TMEM178B: variants seen among roughly 807,000 people sequenced by gnomAD.
TMEM178B encodes the protein transmembrane protein 178B.
In TMEM178B, 5 loss-of-function variants were observed where a neutral mutation model predicts 31.0. That is an observed-to-expected ratio of 0.16 (90% CI 0.08 to 0.34). The LOEUF is 0.34. Among genes scored for constraint, TMEM178B ranks in the 10% least tolerant of loss-of-function variants. The pLI is 1.00. For synonymous variants in TMEM178B, 164 were observed against 164.0 expected, an observed-to-expected ratio of 1.00 and a Z score of 0.00; for missense variants, 275 against 400.3, an observed-to-expected ratio of 0.69 and a Z score of 2.67.
intron 2 of TMEM178B, among the ~76,000 whole-genome samples, chr7:141,372,062 G>A (rs565717335): frequency 5.9e-5 from 9 of 152,250 alleles, no homozygotes; most frequent in African/African-American, 2.2e-4. Context: ...AAGCTTTACA[G>A]AGAGTTGCCT....
chr7:141,398,533 C>T (rs994626521), intron 2 of TMEM178B, among the ~76,000 whole-genome samples: 2 of 152,202 alleles, frequency 1.3e-5, no homozygotes, highest in Non-Finnish European at 2.9e-5. Flanking sequence ...CTCTCTTTCC[C>T]ACCACAATGA....
At chr7:141,448,598 C>T (rs1289970085) in intron 3 of TMEM178B, among the ~76,000 whole-genome samples, 1 of 152,124 alleles carries the variant, frequency 6.6e-6, no homozygotes, top group Non-Finnish European at 1.5e-5. Flanking sequence ...AAGCCATGTT[C>T]CTGTAGACAG....
intron 1 of TMEM178B, among the ~76,000 whole-genome samples, chr7:141,108,971 C>T (rs1370123012): frequency 6.6e-6 from 1 of 152,066 alleles, no homozygotes; most frequent in South Asian, 2.1e-4. Flanking sequence ...ATGGTGGCGG[C>T]AAGAGAGAGA....
chr7:141,418,398 G>A (rs1048697863), intron 2 of TMEM178B, among the ~76,000 whole-genome samples: 3 of 151,994 alleles, frequency 2.0e-5, no homozygotes, highest in Admixed American at 1.3e-4. Context: ...GGGCCACGCA[G>A]GAAAAAAAAC....
chr7:141,262,686 T>A (rs902557130), intron 2 of TMEM178B, among the ~76,000 whole-genome samples: 1 of 152,112 alleles, frequency 6.6e-6, no homozygotes, highest in African/African-American at 2.4e-5. Flanking sequence ...CAGAATTTAC[T>A]GTCTAAGCAA....
intron 2 of TMEM178B, among the ~76,000 whole-genome samples, chr7:141,404,028 G>A (rs569166755): frequency 2.6e-5 from 4 of 152,320 alleles, no homozygotes; most frequent in South Asian, 4.1e-4. Flanking sequence ...GGAAATTGCC[G>A]GGCATGGTGG....
In TMEM178B at chr7:141,193,256, A is replaced by G. The variant is rs1439375828; in HGVS notation, c.383-19335A>G. ...TCGTGCAGCACCAGTTCTGTTCACC[A>G]CAGTGAATGGAGTGGCAACCTGAGG... On this transcript the variant is annotated intron_variant, in intron 1 of 3. Transcript: ENST00000565468. Among the ~76,000 whole-genome samples the G allele has an allele frequency of 5.3e-5, 8 of 152,212 alleles. No homozygotes were observed. In the South Asian group the frequency reaches 8.3e-4, roughly 16 times the overall value.
chr7:141,326,522 G>A (rs761117433), intron 2 of TMEM178B, among the ~76,000 whole-genome samples: 1 of 152,106 alleles, frequency 6.6e-6, no homozygotes, highest in Admixed American at 6.6e-5. Context: ...AGTAATTAAG[G>A]CCTCCTGGGA....
chr7:141,443,813 G>A (rs1364180790), intron 3 of TMEM178B, among the ~76,000 whole-genome samples: 1 of 152,210 alleles, frequency 6.6e-6, no homozygotes, highest in Non-Finnish European at 1.5e-5. Context: ...GAGGAGGTCT[G>A]TCTCTTCTCC....
chr7:141,101,871 AT>A (rs961378891), intron 1 of TMEM178B, among the ~76,000 whole-genome samples: 15 of 145,234 alleles, frequency 1.0e-4, no homozygotes, highest in Non-Finnish European at 2.1e-4. Flanking sequence ...AGTACCCTCT[AT>A]TTTTTTTCTT....
chr7:141,254,707 G>A (rs1586852747), intron 2 of TMEM178B, among the ~76,000 whole-genome samples: 1 of 152,162 alleles, frequency 6.6e-6, no homozygotes, highest in East Asian at 1.9e-4. Context: ...GGGGACAAGA[G>A]CGAGACTTCG....
the TMEM178B span, among the ~76,000 whole-genome samples, chr7:141,499,464 C>CAA: frequency 0.011 from 543 of 50,566 alleles, 9 homozygotes; most frequent in African/African-American, 0.023. Context: ...CACATCTCTA[C>CAA]AAAAAAAAAA....
chr7:141,306,243 C>A (rs1232267065), intron 2 of TMEM178B, among the ~76,000 whole-genome samples: 1 of 152,122 alleles, frequency 6.6e-6, no homozygotes, highest in Non-Finnish European at 1.5e-5. Context: ...GAGTAAGAGG[C>A]AAAATCCTCT....
chr7:141,491,928 C>T, the TMEM178B span, among the ~76,000 whole-genome samples: 1 of 152,152 alleles, frequency 6.6e-6, no homozygotes, highest in African/African-American at 2.4e-5. Flanking sequence ...CACTCCACAC[C>T]CTCCCATTCA....
In TMEM178B at chr7:141,074,250, G is replaced by C; in HGVS notation, c.-61G>C. ...GGCCGCCCGCCGCTTTGTTCCGGGT[G>C]CGGCGAGGGAAGGCGAGGCTGCGGC... On this transcript the variant is annotated 5_prime_UTR_variant, in exon 1 of 4. Coordinates refer to ENST00000565468, the MANE Select transcript of TMEM178B (RefSeq NM_001195278.2). This position sits in a 1 kb window ranked among gnomAD's most constrained non-coding sequence, Gnocchi z 5.1. 1 of 1,450,102 alleles carries C rather than the reference G, an allele frequency of 6.9e-7. No individual in the cohort carries two copies. The highest frequency in any genetic ancestry group is 2.1e-4 in the Middle Eastern group (1 of 4,700). 89.8% of individuals were successfully genotyped at this position (1,450,102 alleles called of 1,614,324 possible).
intron 1 of TMEM178B, among the ~76,000 whole-genome samples, chr7:141,140,024 C>T (rs959062326): frequency 1.6e-4 from 24 of 152,284 alleles, no homozygotes; most frequent in African/African-American, 5.3e-4. Context: ...CCTCAGTCCC[C>T]CAGAGTGCTG....
chr7:141,403,222 G>T (rs938906102), intron 2 of TMEM178B, among the ~76,000 whole-genome samples: 1 of 152,206 alleles, frequency 6.6e-6, no homozygotes, highest in African/African-American at 2.4e-5. Flanking sequence ...CCGGCCATGT[G>T]TGATGGTGGA....
intron 2 of TMEM178B, among the ~76,000 whole-genome samples, chr7:141,216,618 C>T (rs1027126073): frequency 6.6e-6 from 1 of 151,966 alleles, no homozygotes; most frequent in Non-Finnish European, 1.5e-5. Context: ...TCTGGGTGAA[C>T]TGGTGACCAG....
the TMEM178B span, among the ~76,000 whole-genome samples, chr7:141,491,184 T>A: frequency 6.6e-6 from 1 of 151,992 alleles, no homozygotes; most frequent in Non-Finnish European, 1.5e-5. Flanking sequence ...CATGCTACCA[T>A]GCTTGGATCA....
Sources: allele counts gnomAD v4.1 joint callset (sites outside exome capture counted in the v4.1 genomes callset), GRCh38; gene constraint gnomAD v4.1.1; non-coding constraint Gnocchi (gnomAD v3.1); transcripts MANE v1.5; gene names NCBI Gene and HGNC (gene_info 2026-07-23, HGNC 2026-07-21).